EPS8: variants seen among roughly 807,000 people sequenced by gnomAD.
The protein encoded by EPS8 is epidermal growth factor receptor kinase substrate 8.
EPS8 carries 42 observed loss-of-function variants against 103.8 expected under a neutral mutation model. The ratio of observed to expected loss-of-function variants is 0.40; its 90% CI spans 0.32 to 0.52. EPS8 has a LOEUF of 0.52. EPS8 is among the 20% of genes least tolerant of loss of function. EPS8 has a pLI of 0.40. For missense variants in EPS8, 969 were observed against 1,005.1 expected (o/e 0.96, Z 0.49); for synonymous variants, 344 against 344.6 (o/e 1.00, Z 0.02).
intron 1 of EPS8, among the ~76,000 whole-genome samples, chr12:15,686,691 G>C (rs1946100561): frequency 6.6e-6 from 1 of 152,116 alleles, no homozygotes; most frequent in Non-Finnish European, 1.5e-5. Flanking sequence ...ATTTGTATCA[G>C]AAGGTTTTAA....
chr12:15,667,958 T>C (rs1237184520), intron 6 of EPS8, among the ~76,000 whole-genome samples: 1 of 152,128 alleles, frequency 6.6e-6, no homozygotes, highest in Non-Finnish European at 1.5e-5. Context: ...TTTCACAGCA[T>C]AGTAACTTTT....
Position 15,779,353 on chromosome 12 carries a change from T to C in EPS8, c.-22+9808A>G, listed in dbSNP as rs1421753011. 6.6e-6 allele frequency among the ~76,000 whole-genome samples: 1 copy of C among 152,222 alleles called. No homozygotes were observed. Among genetic ancestry groups the C allele is most frequent in the East Asian group, 1.9e-4 (1 of 5,202 alleles). ...CTATCATCAAAAGTATATCTTTCTT[T>C]AAATTCTAAAAGAGCACTTAAAATC... On this transcript the variant is annotated intron_variant, in intron 1 of 20. Transcript: ENST00000281172. The surrounding 1 kb of genome is among the most constrained non-coding windows in gnomAD (Gnocchi z 4.3).
In EPS8 at chr12:15,728,676, G is replaced by A. The variant is rs1197108725; in HGVS notation, c.-21-45704C>T. Among the ~76,000 whole-genome samples the A allele has an allele frequency of 6.6e-6, 1 of 152,134 alleles. No homozygotes were observed. Among genetic ancestry groups the A allele is most frequent in the Non-Finnish European group, 1.5e-5 (1 of 68,032 alleles). On this transcript the variant is annotated intron_variant, in intron 1 of 20. Transcript: ENST00000281172. This position sits in a 1 kb window ranked among gnomAD's most constrained non-coding sequence, Gnocchi z 4.5. ...CATTTCAGTGAAATATTTATGCTTT[G>A]TGACTTACTTGAACACAAAACAACA...
chr12:15,685,520 A>G (rs556420199), intron 1 of EPS8, among the ~76,000 whole-genome samples: 1 of 152,332 alleles, frequency 6.6e-6, no homozygotes, highest in Non-Finnish European at 1.5e-5. Flanking sequence ...TTTCATGTTT[A>G]ATTCTTCATG....
rs1284501155 is a variant in EPS8, at chr12:15,735,398, G to T, written c.-21-52426C>A. ...AAATTATATAGATGGAAAAAATGAA[G>T]AGGAAAGAGATCATGAAGGATCAAA... On this transcript the variant is annotated intron_variant, in intron 1 of 20. Transcript: ENST00000281172. The surrounding 1 kb of genome is among the most constrained non-coding windows in gnomAD (Gnocchi z 4.4). Among the ~76,000 whole-genome samples the T allele has an allele frequency of 6.6e-6, 1 of 152,092 alleles. No individual in the cohort carries two copies. Among genetic ancestry groups the T allele is most frequent in the Non-Finnish European group, 1.5e-5 (1 of 68,022 alleles).
At chr12:15,750,660 A>G (rs1349246656) in intron 1 of EPS8, among the ~76,000 whole-genome samples, 1 of 152,228 alleles carries the variant, frequency 6.6e-6, no homozygotes, top group African/African-American at 2.4e-5. Flanking sequence ...AAAGTAGACC[A>G]GTGAGAATGA....
intron 1 of EPS8, among the ~76,000 whole-genome samples, chr12:15,723,001 G>T: frequency 1.4e-5 from 2 of 145,418 alleles, no homozygotes; most frequent in African/African-American, 2.5e-5. Context: ...GATATCACTT[G>T]TTTGAAAAAA....
chr12:15,778,182 T>C lies in EPS8; in HGVS notation c.-22+10979A>G, dbSNP rs1424858687. 6.6e-6 allele frequency among the ~76,000 whole-genome samples: 1 copy of C among 152,174 alleles called. No homozygotes were observed. Among genetic ancestry groups the C allele is most frequent in the African/African-American group, 2.4e-5 (1 of 41,452 alleles). On this transcript the variant is annotated intron_variant, in intron 1 of 20. Coordinates refer to ENST00000281172, the MANE Select transcript of EPS8 (RefSeq NM_004447.6). The surrounding 1 kb of genome is among the most constrained non-coding windows in gnomAD (Gnocchi z 4.5). Reference sequence around the variant, plus strand: ...ATTCATTTTAAAATAGAAGTGATAATACTTTAAGCAAATCTGAGAATTAAT... The same window carrying C: ...ATTCATTTTAAAATAGAAGTGATAACACTTTAAGCAAATCTGAGAATTAAT...
intron 1 of EPS8, among the ~76,000 whole-genome samples, chr12:15,685,425 G>T (rs1324939951): frequency 6.6e-6 from 1 of 152,044 alleles, no homozygotes; most frequent in Non-Finnish European, 1.5e-5. Context: ...AAACCCCCAG[G>T]GTTTGTGCTG....
rs1299278342 is a variant in EPS8 at position 15,697,404 on chromosome 12, C to T, written c.-21-14432G>A. On this transcript the variant is annotated intron_variant, in intron 1 of 20. Transcript: ENST00000281172. The surrounding 1 kb of genome is among the most constrained non-coding windows in gnomAD (Gnocchi z 5.6). ...GGAAGAGGCAGAACAGCAGCAGCAG[C>T]GGCAATGGCTCACATCTAGAAAACA... Among the ~76,000 whole-genome samples the T allele has an allele frequency of 3.3e-5, 5 of 152,214 alleles. No homozygotes were observed. The highest frequency in any genetic ancestry group is 1.9e-4 in the East Asian group (1 of 5,196).
intron 6 of EPS8, among the ~76,000 whole-genome samples, chr12:15,668,747 T>C (rs928269049): frequency 6.6e-6 from 1 of 152,226 alleles, no homozygotes; most frequent in African/African-American, 2.4e-5. Context: ...TAATCCATGC[T>C]ATGTCATTAG....
At position 15,778,206 on chromosome 12, in the gene EPS8, A is replaced by G. The variant is rs1947226142; in HGVS notation, c.-22+10955T>C. Among the ~76,000 whole-genome samples the G allele has an allele frequency of 6.6e-6, 1 of 152,200 alleles. No individual in the cohort carries two copies. Among genetic ancestry groups the G allele is most frequent in the African/African-American group, 2.4e-5 (1 of 41,446 alleles). On this transcript the variant is annotated intron_variant, in intron 1 of 20. Transcript: ENST00000281172. This position sits in a 1 kb window ranked among gnomAD's most constrained non-coding sequence, Gnocchi z 4.5. ...ATACTTTAAGCAAATCTGAGAATTAATGCACACGAAAATCTTCAGAGGGTG... is the reference window on the plus strand; with the variant it reads ...ATACTTTAAGCAAATCTGAGAATTAGTGCACACGAAAATCTTCAGAGGGTG...
chr12:15,789,087 G>A lies in EPS8; in HGVS notation c.-22+74C>T, dbSNP rs1243972161. 6.6e-6 allele frequency: 1 copy of A among 152,168 alleles called. No individual in the cohort carries two copies. Among genetic ancestry groups the A allele is most frequent in the Admixed American group, 6.5e-5 (1 of 15,282 alleles). 9.4% of individuals were successfully genotyped at this position (152,168 alleles called of 1,614,324 possible). On this transcript the variant is annotated intron_variant, in intron 1 of 20. Transcript: ENST00000281172. The surrounding 1 kb of genome is among the most constrained non-coding windows in gnomAD (Gnocchi z 6.1). Reference sequence around the variant, plus strand: ...CACCGCTCCGATTCCAGCACACAAAGGCGGATTTTTAAAATCGAGAAAGTC... The same window carrying A: ...CACCGCTCCGATTCCAGCACACAAAAGCGGATTTTTAAAATCGAGAAAGTC...
rs1947168147 is a variant in EPS8, at chr12:15,772,825, A to G, written c.-22+16336T>C. Among the ~76,000 whole-genome samples, 1 of 152,220 alleles carries G rather than the reference A, an allele frequency of 6.6e-6. No homozygotes were observed. Among genetic ancestry groups the G allele is most frequent in the Admixed American group, 6.5e-5 (1 of 15,278 alleles). ...TTACAAACATACATTCATTCAGCAA[A>G]TAGACGGGTCTACAAAGTACCAGAA... On this transcript the variant is annotated intron_variant, in intron 1 of 20. Transcript: ENST00000281172. This position sits in a 1 kb window ranked among gnomAD's most constrained non-coding sequence, Gnocchi z 5.0.
intron 15 of EPS8, 104 bp downstream of exon 15, chr12:15,647,023 A>G (rs1591817002): frequency 9.1e-7 from 1 of 1,096,180 alleles, no homozygotes; most frequent in East Asian, 2.6e-5. Context: ...TAACAGATGG[A>G]AAGTTTAAAG....
rs1246265799 is a variant in EPS8 at position 15,704,304 on chromosome 12, G to A, written c.-21-21332C>T. Among the ~76,000 whole-genome samples the A allele has an allele frequency of 6.6e-6, 1 of 152,246 alleles. No individual in the cohort carries two copies. The highest frequency in any genetic ancestry group is 1.5e-5 in the Non-Finnish European group (1 of 68,018). ...GCTCATATCAACATTATTCACGAGA[G>A]CCAAAAGGTAGATGCAACCCAAGTG... On this transcript the variant is annotated intron_variant, in intron 1 of 20. Coordinates refer to ENST00000281172, the MANE Select transcript of EPS8 (RefSeq NM_004447.6). The surrounding 1 kb of genome is among the most constrained non-coding windows in gnomAD (Gnocchi z 4.6).
At chr12:15,765,390 T>C (rs970321222) in intron 1 of EPS8, among the ~76,000 whole-genome samples, 4 of 152,138 alleles carry the variant, frequency 2.6e-5, no homozygotes, top group Non-Finnish European at 5.9e-5. Flanking sequence ...GACTTTTACA[T>C]GCTACTCCAA....
Position 15,640,770 on chromosome 12 carries a change from A to C in EPS8, c.1754T>G (p.Leu585Trp), listed in dbSNP as rs759142123. The stretch of plus-strand genomic sequence containing the variant: ...AGATTCTGGAGGTCTCACAATATCC[A>C]AAATGTTATTTGGCACAAATCCAGA... ...GDSGFVPNNI[L>W]DIVRPPESGL... is the part of the protein sequence containing the mutation. Residue 585 changes from leucine (L) to tryptophan (W), a missense_variant, in exon 17 of 21, where the codon TTG becomes TGG. Coordinates refer to ENST00000281172, the MANE Select transcript of EPS8 (RefSeq NM_004447.6). 2.5e-6 allele frequency: 4 copies of C among 1,613,982 alleles called. No homozygotes were observed. The South Asian group carries it at 4.4e-5, about 18-fold the overall frequency.
intron 1 of EPS8, among the ~76,000 whole-genome samples, chr12:15,707,705 G>A (rs749450903): frequency 2.0e-5 from 3 of 152,062 alleles, no homozygotes; most frequent in African/African-American, 7.2e-5. Flanking sequence ...CCACAATCTT[G>A]TAATGAAGTT....
Sources: allele counts gnomAD v4.1 joint callset (sites outside exome capture counted in the v4.1 genomes callset), GRCh38; gene constraint gnomAD v4.1.1; non-coding constraint Gnocchi (gnomAD v3.1); transcripts MANE v1.5; gene names NCBI Gene and HGNC (gene_info 2026-07-23, HGNC 2026-07-21).